TMEM38A: variants seen among roughly 807,000 people sequenced by gnomAD.
TMEM38A encodes the protein transmembrane protein 38A.
A neutral mutation model predicts 28.6 loss-of-function variants in TMEM38A; 17 were observed. The observed-to-expected ratio is 0.60, with a 90% CI of 0.41 to 0.89. The LOEUF (loss-of-function observed/expected upper bound fraction) is 0.89, where lower values mean the gene tolerates loss of function less well. Among genes scored for constraint, TMEM38A ranks in the 40% least tolerant of loss-of-function variants. TMEM38A has a pLI of 0.00. For missense variants in TMEM38A, 328 were observed against 393.1 expected (o/e 0.83, Z 1.40); for synonymous variants, 169 against 166.1 (o/e 1.02, Z -0.14).
intron 3 of TMEM38A, chr19:16,680,812 A>C: frequency 1.9e-6 from 1 of 524,402 alleles, no homozygotes. Flanking sequence ...ATGATGACAA[A>C]AGCCAGCATT....
chr19:16,684,995 G>A (rs1327019246), intron 4 of TMEM38A, among the ~76,000 whole-genome samples: 1 of 151,524 alleles, frequency 6.6e-6, no homozygotes, highest in African/African-American at 2.4e-5. Context: ...GTTACAGTGA[G>A]CCATGATCAG....
At chr19:16,674,589 C>T (rs765277969) in intron 1 of TMEM38A, among the ~76,000 whole-genome samples, 3 of 151,764 alleles carry the variant, frequency 2.0e-5, no homozygotes, top group Non-Finnish European at 4.4e-5. Flanking sequence ...CACCTGAGGT[C>T]GGGAGTTTGA....
At chr19:16,681,351 TA>T (rs2086781398) in intron 3 of TMEM38A, among the ~76,000 whole-genome samples, 1 of 152,196 alleles carries the variant, frequency 6.6e-6, no homozygotes, top group African/African-American at 2.4e-5. Context: ...GAACGTTTTA[TA>T]ATGATAAAAG....
rs1017743943 is a variant in TMEM38A, at chr19:16,663,749, G to A, written c.124+2408G>A. Among the ~76,000 whole-genome samples the A allele has an allele frequency of 2.2e-4, 33 of 151,558 alleles. 1 individual carries two copies. Among genetic ancestry groups the A allele is most frequent in the Non-Finnish European group, 4.3e-4 (29 of 67,890 alleles). Reference sequence around the variant, plus strand: ...GACAGGGTTTCACCGTATTAGCCAGGATGGTCTCGATTTCCTGACCTTGTG... The same window carrying A: ...GACAGGGTTTCACCGTATTAGCCAGAATGGTCTCGATTTCCTGACCTTGTG... On this transcript the variant is annotated intron_variant, in intron 1 of 5. Coordinates refer to ENST00000187762, the MANE Select transcript of TMEM38A (RefSeq NM_024074.4).
At position 16,680,438 on chromosome 19, in the gene TMEM38A, G is replaced by A. The variant is rs1208665311; in HGVS notation, c.323G>A (p.Cys108Tyr). The change falls in exon 3 of 6, where the codon TGT becomes TAT. Residue 108 changes from cysteine to tyrosine, a missense_variant. Physicochemically the swap from Cys to Tyr is radical, Grantham distance 194. Coordinates refer to ENST00000187762, the MANE Select transcript of TMEM38A (RefSeq NM_024074.4). ...FFCPLDLFYK[C>Y]VCFLPVKLIF... Reference sequence around the variant, plus strand: ...TGCCCCCTGGACCTCTTCTACAAGTGTGTCTGCTTCCTGCCTGTGAAACTC... The same window carrying A: ...TGCCCCCTGGACCTCTTCTACAAGTATGTCTGCTTCCTGCCTGTGAAACTC... 1.2e-6 allele frequency: 2 copies of A among 1,614,122 alleles called. No homozygotes were observed. The highest frequency in any genetic ancestry group is 1.1e-5 in the South Asian group (1 of 91,076).
chr19:16,677,891 GA>G (rs1303626896), intron 1 of TMEM38A, among the ~76,000 whole-genome samples: 1 of 152,102 alleles, frequency 6.6e-6, no homozygotes, highest in African/African-American at 2.4e-5. Flanking sequence ...CTACAATGGG[GA>G]TGAAGCTTGA....
chr19:16,677,106 T>C (rs2086755546), intron 1 of TMEM38A, among the ~76,000 whole-genome samples: 1 of 149,076 alleles, frequency 6.7e-6, no homozygotes, highest in Admixed American at 6.7e-5. Context: ...CTATAGGACC[T>C]AAGGACTCAG....
At chr19:16,681,968 C>T (rs1317985362) in intron 3 of TMEM38A, among the ~76,000 whole-genome samples, 4 of 152,150 alleles carry the variant, frequency 2.6e-5, no homozygotes, top group Admixed American at 2.6e-4. Context: ...TTCTTATTGT[C>T]TCTCCAGGAA....
rs2086683027 is a variant in TMEM38A, at chr19:16,661,863, C to T, written c.124+522C>T. Among the ~76,000 whole-genome samples the T allele has an allele frequency of 6.6e-6, 1 of 152,074 alleles. No individual in the cohort carries two copies. The highest frequency in any genetic ancestry group is 2.1e-4 in the South Asian group (1 of 4,822). On this transcript the variant is annotated intron_variant, in intron 1 of 5. Coordinates refer to ENST00000187762, the MANE Select transcript of TMEM38A (RefSeq NM_024074.4). The surrounding 1 kb of genome is among the most constrained non-coding windows in gnomAD (Gnocchi z 6.5). Reference sequence around the variant, plus strand: ...CAACTGCCCAGCACCCTCCACTCCCCTCCCTTCCCCCACGGTGCTGAATCT... The same window carrying T: ...CAACTGCCCAGCACCCTCCACTCCCTTCCCTTCCCCCACGGTGCTGAATCT...
intron 1 of TMEM38A, among the ~76,000 whole-genome samples, chr19:16,678,829 T>C (rs1265190695): frequency 8.9e-6 from 1 of 112,234 alleles, no homozygotes; most frequent in Non-Finnish European, 2.0e-5. Context: ...CAAAAAAAAA[T>C]TCTTTTTAAG....
intron 1 of TMEM38A, among the ~76,000 whole-genome samples, chr19:16,665,834 A>G (rs1025335436): frequency 7.0e-6 from 1 of 143,464 alleles, no homozygotes; most frequent in Non-Finnish European, 1.5e-5. Flanking sequence ...TTTGAGATGC[A>G]GTCTTGTTTT....
At chr19:16,667,614 T>C (rs1320148237) in intron 1 of TMEM38A, among the ~76,000 whole-genome samples, 1 of 152,102 alleles carries the variant, frequency 6.6e-6, no homozygotes, top group Non-Finnish European at 1.5e-5. Flanking sequence ...CCCAGCACTT[T>C]GGGAGGCCAA....
At chr19:16,685,481 T>A (rs878955066) in intron 4 of TMEM38A, among the ~76,000 whole-genome samples, 1 of 152,176 alleles carries the variant, frequency 6.6e-6, no homozygotes, top group African/African-American at 2.4e-5. Flanking sequence ...CCCAGTGGAA[T>A]CATGTGGACA....
chr19:16,667,900 C>G (rs1295961938), intron 1 of TMEM38A, among the ~76,000 whole-genome samples: 2 of 150,246 alleles, frequency 1.3e-5, no homozygotes, highest in African/African-American at 4.9e-5. Context: ...TGATTGTCAC[C>G]CCTCTTTCAT....
chr19:16,673,933 A>G (rs1023957754), intron 1 of TMEM38A, among the ~76,000 whole-genome samples: 7 of 130,178 alleles, frequency 5.4e-5, no homozygotes, highest in Admixed American at 2.9e-4. Context: ...ACAAAAAAAG[A>G]AAAAAAAAAA....
At chr19:16,678,427 C>CAAA (rs58580381) in intron 1 of TMEM38A, among the ~76,000 whole-genome samples, 16 of 64,656 alleles carry the variant, frequency 2.5e-4, no homozygotes, top group African/African-American at 3.8e-4. Flanking sequence ...GACTCTGTCT[C>CAAA]AAAAAAAAAA....
At chr19:16,682,755 C>T (rs1306396355) in intron 4 of TMEM38A, among the ~76,000 whole-genome samples, 1 of 152,116 alleles carries the variant, frequency 6.6e-6, no homozygotes, top group Non-Finnish European at 1.5e-5. Context: ...AGCAGGAGTT[C>T]ACTGGCCAAG....
At position 16,661,821 on chromosome 19, in the gene TMEM38A, G is replaced by A. The variant is rs1486074793; in HGVS notation, c.124+480G>A. ...GGTCAGGTTCAGCGAAAGTGACACC[G>A]GTTCTCCTCCCCACTGCAACTGCCC... On this transcript the variant is annotated intron_variant, in intron 1 of 5. Coordinates refer to ENST00000187762, the MANE Select transcript of TMEM38A (RefSeq NM_024074.4). This position sits in a 1 kb window ranked among gnomAD's most constrained non-coding sequence, Gnocchi z 6.5. Among the ~76,000 whole-genome samples the A allele has an allele frequency of 6.6e-6, 1 of 152,058 alleles. No homozygotes were observed. The highest frequency in any genetic ancestry group is 1.5e-5 in the Non-Finnish European group (1 of 67,998).
At chr19:16,687,245 T>G (rs1176733978) in intron 5 of TMEM38A, among the ~76,000 whole-genome samples, 1 of 152,008 alleles carries the variant, frequency 6.6e-6, no homozygotes, top group Non-Finnish European at 1.5e-5. Flanking sequence ...GGCAGGAGAA[T>G]CGCTTGAACC....
Sources: allele counts gnomAD v4.1 joint callset (sites outside exome capture counted in the v4.1 genomes callset), GRCh38; gene constraint gnomAD v4.1.1; non-coding constraint Gnocchi (gnomAD v3.1); transcripts MANE v1.5; gene names NCBI Gene and HGNC (gene_info 2026-07-23, HGNC 2026-07-21).